The following GPR12 variants were observed in gnomAD, a reference collection of about 807,000 sequenced individuals.
GPR12 encodes G-protein coupled receptor 12.
GPR12 carries 7 observed loss-of-function variants against 18.9 expected under a neutral mutation model. That is an observed-to-expected ratio of 0.37 (90% CI 0.21 to 0.70). GPR12 has a LOEUF of 0.70. Ranked by LOEUF, GPR12 falls within the 30% of genes least tolerant of loss-of-function variation. The pLI is 0.54. For synonymous variants in GPR12, 201 were observed against 188.6 expected (o/e 1.07, Z -0.54); for missense variants, 327 against 427.7 (o/e 0.76, Z 2.08).
Position 26,757,031 on chromosome 13 carries a change from A to T in GPR12, c.*1792T>A, listed in dbSNP as rs1440047265. ...TGTTCAAAAGAAATGTTTTAAAGGC[A>T]TCAGTTTTATTAGATTGATCATACA... On this transcript the variant is annotated 3_prime_UTR_variant, in exon 2 of 2. Transcript: ENST00000405846. 4 of 152,218 alleles carry T rather than the reference A, an allele frequency of 2.6e-5. No individual in the cohort carries two copies. Among genetic ancestry groups the T allele is most frequent in the Non-Finnish European group, 4.4e-5 (3 of 68,046 alleles). The allele number at this position is 152,218 out of a possible 1,614,324, so 9.4% of individuals were successfully genotyped here.
Position 26,760,712 on chromosome 13 carries a change from G to C in GPR12, c.-149C>G, listed in dbSNP as rs1300407615. On this transcript the variant is annotated 5_prime_UTR_variant, in exon 1 of 2. Coordinates refer to ENST00000405846, the MANE Select transcript of GPR12 (RefSeq NM_005288.4). ...GCTCCGGAGCGGGCCGGGAGGGCGC[G>C]GGGCGCGCACTCCGCGGCAGGTGAG... 3.3e-5 allele frequency: 5 copies of C among 150,148 alleles called. No homozygotes were observed. Among genetic ancestry groups the C allele is most frequent in the Non-Finnish European group, 5.9e-5 (4 of 67,390 alleles). 9.3% of individuals were successfully genotyped at this position (150,148 alleles called of 1,614,324 possible). A position where few individuals can be genotyped will look rare whatever the true frequency, so the allele number is the denominator to read the frequency against.
rs749962036 is a variant in GPR12, at chr13:26,759,274, T to A, written c.554A>T (p.Glu185Val). The change falls in exon 2 of 2, where the codon GAG becomes GTG. Residue 185 changes from glutamate (E) to valine (V), a missense_variant. Glu to Val is a moderately radical substitution (Grantham distance 121). Coordinates refer to ENST00000405846, the MANE Select transcript of GPR12 (RefSeq NM_005288.4). ...PVMGWNCLRD[E>V]STCSVVRPLT... is the part of the protein sequence containing the mutation. ...CGGTCTGACCACGCTGCAGGTGGAC[T>A]CGTCTCGGAGGCAGTTCCAGCCCAT... 2.5e-6 allele frequency: 4 copies of A among 1,612,186 alleles called. No homozygotes were observed. The African/African-American group carries it at 5.4e-5, about 22-fold the overall frequency.
chr13:26,760,765 T>C lies in GPR12; in HGVS notation c.-202A>G, dbSNP rs1260573027. 6.9e-6 allele frequency: 1 copy of C among 145,518 alleles called. No individual in the cohort carries two copies. The highest frequency in any genetic ancestry group is 1.5e-5 in the Non-Finnish European group (1 of 65,658). 9.0% of individuals were successfully genotyped at this position (145,518 alleles called of 1,614,324 possible). On this transcript the variant is annotated 5_prime_UTR_variant, in exon 1 of 2. Coordinates refer to ENST00000405846, the MANE Select transcript of GPR12 (RefSeq NM_005288.4). Reference sequence around the variant, plus strand: ...GCGCGGCTGCAGGTGAGCAGCAGCCTCGGCTCGCGCGCCCAGCTTTCCCCG... The same window carrying C: ...GCGCGGCTGCAGGTGAGCAGCAGCCCCGGCTCGCGCGCCCAGCTTTCCCCG...
Position 26,755,439 on chromosome 13 carries a change from T to C in GPR12, c.*3384A>G, listed in dbSNP as rs1884357017. ...TAAAAAGCCGAAGAAGTCTCCATGATATTTTTATTGGCACTAAGTATCTCT... is the reference window on the plus strand; with the variant it reads ...TAAAAAGCCGAAGAAGTCTCCATGACATTTTTATTGGCACTAAGTATCTCT... On this transcript the variant is annotated 3_prime_UTR_variant, in exon 2 of 2. Transcript: ENST00000405846. 6.6e-6 allele frequency: 1 copy of C among 152,238 alleles called. No homozygotes were observed. Among genetic ancestry groups the C allele is most frequent in the South Asian group, 2.1e-4 (1 of 4,836 alleles). The allele number at this position is 152,238 out of a possible 1,614,324, so 9.4% of individuals were successfully genotyped here. A position where few individuals can be genotyped will look rare whatever the true frequency, so the allele number is the denominator to read the frequency against.
chr13:26,758,098 T>C lies in GPR12; in HGVS notation c.*725A>G, dbSNP rs915227654. 9.9e-5 allele frequency: 15 copies of C among 152,224 alleles called. No homozygotes were observed. Among genetic ancestry groups the C allele is most frequent in the Admixed American group, 7.2e-4 (11 of 15,286 alleles). 9.4% of individuals were successfully genotyped at this position (152,224 alleles called of 1,614,324 possible). On this transcript the variant is annotated 3_prime_UTR_variant, in exon 2 of 2. Coordinates refer to ENST00000405846, the MANE Select transcript of GPR12 (RefSeq NM_005288.4). ...TATTGAAAAATGACCCGTTGGAATC[T>C]AGATTGACATGGCAACATTTGAAAC...
At position 26,758,831 on chromosome 13, in the gene GPR12, C is replaced by T. The variant is rs1368851574; in HGVS notation, c.997G>A (p.Asp333Asn). Residue 333 changes from aspartate to asparagine, a missense_variant, in exon 2 of 2, where the codon GAT (aspartate) becomes AAT (asparagine). Physicochemically the swap from Asp to Asn is conservative, Grantham distance 23. Transcript: ENST00000405846. ...SLAQRARSPS[D>N]V ...TCCTGGGTGCAAGGGTGCTACACATCACTGGGCGAGCGCGCTCTCTGGGCG... is the reference window on the plus strand; with the variant it reads ...TCCTGGGTGCAAGGGTGCTACACATTACTGGGCGAGCGCGCTCTCTGGGCG... 2 of 1,605,670 alleles carry T rather than the reference C, an allele frequency of 1.2e-6. No homozygotes were observed. Among genetic ancestry groups the T allele is most frequent in the Middle Eastern group, 1.7e-4 (1 of 6,012 alleles).
In GPR12 at chr13:26,757,819, ACCATTAGTATATT is replaced by A. The variant is rs1884403577; in HGVS notation, c.*991_*1003del. 6.6e-6 allele frequency: 1 copy of A among 152,224 alleles called. No individual in the cohort carries two copies. The highest frequency in any genetic ancestry group is 1.5e-5 in the Non-Finnish European group (1 of 68,046). 9.4% of individuals were successfully genotyped at this position (152,224 alleles called of 1,614,324 possible). On this transcript the variant is annotated 3_prime_UTR_variant, in exon 2 of 2. Coordinates refer to ENST00000405846, the MANE Select transcript of GPR12 (RefSeq NM_005288.4). Reference sequence around the variant, plus strand: ...ATTCTAATTATCTCAATCAAGAATAACCATTAGTATATTCTCAGAGAGAGAGGAAAGGTGATTT... The same window carrying A: ...ATTCTAATTATCTCAATCAAGAATAACTCAGAGAGAGAGGAAAGGTGATTT...
At chr13:26,760,351 C>T (rs1204839351) in intron 1 of GPR12, 1 of 165,752 alleles carries the variant, frequency 6.0e-6, no homozygotes. Context: ...AACGCACCCC[C>T]GACCGGAACA....
chr13:26,759,415 C>A lies in GPR12; in HGVS notation c.413G>T (p.Arg138Leu). The change falls in exon 2 of 2, where the codon CGC (arginine) becomes CTC (leucine). Residue 138 changes from arginine (R) to leucine (L), a missense_variant. Transcript: ENST00000405846. ...CAGAGCGTAGTACAGTGAGAGGTAGCGGTCAACAGTGATAGCCAGCAAGCT... is the reference window on the plus strand; with the variant it reads ...CAGAGCGTAGTACAGTGAGAGGTAGAGGTCAACAGTGATAGCCAGCAAGCT... ...VCSLLAITVD[R>L]YLSLYYALTY... 1.2e-6 allele frequency: 2 copies of A among 1,613,924 alleles called. No homozygotes were observed. The highest frequency in any genetic ancestry group is 1.7e-6 in the Non-Finnish European group (2 of 1,180,002).
In GPR12 at chr13:26,759,494, T is replaced by G. The variant is rs1363283355; in HGVS notation, c.334A>C (p.Thr112Pro). 1.9e-6 allele frequency: 3 copies of G among 1,614,056 alleles called. No homozygotes were observed. Among genetic ancestry groups the G allele is most frequent in the Non-Finnish European group, 2.5e-6 (3 of 1,180,034 alleles). The change falls in exon 2 of 2, where the codon ACC becomes CCC. Residue 112 changes from threonine (T) to proline (P), a missense_variant. Coordinates refer to ENST00000405846, the MANE Select transcript of GPR12 (RefSeq NM_005288.4). ...ATGAGGCCGATCGTGACCAGCTTGG[T>G]GGCTTCTGACTGAAGCAGGTAGGCA... ...VFAYLLQSEA[T>P]KLVTIGLIVA...
In GPR12 at chr13:26,759,660, G is replaced by T. The variant is rs371513115; in HGVS notation, c.168C>A (p.Thr56=). 6.2e-7 allele frequency: 1 copy of T among 1,614,018 alleles called. No homozygotes were observed. Among genetic ancestry groups the T allele is most frequent in the Admixed American group, 1.7e-5 (1 of 60,020 alleles). The change falls in exon 2 of 2, where the codon ACC becomes ACA. Residue 56 remains threonine, a synonymous_variant. Transcript: ENST00000405846. ...PWDIVLCTSG[T]LISCENAIVV... The stretch of plus-strand genomic sequence containing the variant: ...CAATGGCATTTTCACAGGAGATGAG[G>T]GTTCCCGAGGTACACAAGACAATGT...
rs1884450145 is a variant in GPR12, at chr13:26,759,836, C to T, written c.-9G>A. 6.5e-7 allele frequency: 1 copy of T among 1,546,282 alleles called. No homozygotes were observed. The highest frequency in any genetic ancestry group is 1.4e-5 in the African/African-American group (1 of 72,242). On this transcript the variant is annotated 5_prime_UTR_variant, in exon 2 of 2. Transcript: ENST00000405846. ...TTCAGGTCTTCATTCATTTTAACCCCTGTCCTCTTCAACGAAAAGACAGGC... is the reference window on the plus strand; with the variant it reads ...TTCAGGTCTTCATTCATTTTAACCCTTGTCCTCTTCAACGAAAAGACAGGC...
rs748144334 is a variant in GPR12 at position 26,759,218 on chromosome 13, C to G, written c.610G>C (p.Val204Leu). 6.2e-7 allele frequency: 1 copy of G among 1,612,726 alleles called. No homozygotes were observed. The highest frequency in any genetic ancestry group is 1.1e-5 in the South Asian group (1 of 90,974). ...AGCGCAAACATGAAGAGGAAGGACA[C>G]CGAGAGGATGGCCGCGTTGTTCTTG... ...LTKNNAAILS[V>L]SFLFMFALML... Residue 204 changes from valine to leucine, a missense_variant, in exon 2 of 2, where the codon GTG becomes CTG. Coordinates refer to ENST00000405846, the MANE Select transcript of GPR12 (RefSeq NM_005288.4).
At position 26,757,938 on chromosome 13, in the gene GPR12, T is replaced by C. The variant is rs1436914872; in HGVS notation, c.*885A>G. On this transcript the variant is annotated 3_prime_UTR_variant, in exon 2 of 2. Transcript: ENST00000405846. The stretch of plus-strand genomic sequence containing the variant: ...TTAATCTACTCTCAATTGCTAATAT[T>C]TTTTCCTTTTGTTTTCTGAAAACAA... 6.6e-6 allele frequency: 1 copy of C among 152,254 alleles called. No individual in the cohort carries two copies. The highest frequency in any genetic ancestry group is 6.5e-5 in the Admixed American group (1 of 15,288). The allele number at this position is 152,254 out of a possible 1,614,324, so 9.4% of individuals were successfully genotyped here. A position where few individuals can be genotyped will look rare whatever the true frequency, so the allele number is the denominator to read the frequency against.
rs560548992 is a variant in GPR12, at chr13:26,756,649, T to G, written c.*2174A>C. 7.9e-5 allele frequency: 12 copies of G among 152,340 alleles called. No homozygotes were observed. Among genetic ancestry groups the G allele is most frequent in the African/African-American group, 2.9e-4 (12 of 41,586 alleles). The allele number at this position is 152,340 out of a possible 1,614,324, so 9.4% of individuals were successfully genotyped here. A position where few individuals can be genotyped will look rare whatever the true frequency, so the allele number is the denominator to read the frequency against. ...CTGGCTTCAAATTCTGACTCTATCC[T>G]TGTGCTTTGTGGCCTCGGGCACATT... On this transcript the variant is annotated 3_prime_UTR_variant, in exon 2 of 2. Transcript: ENST00000405846.
rs1314475329 is a variant in GPR12 at position 26,756,605 on chromosome 13, G to T, written c.*2218C>A. 1 of 152,222 alleles carries T rather than the reference G, an allele frequency of 6.6e-6. No homozygotes were observed. Among genetic ancestry groups the T allele is most frequent in the Non-Finnish European group, 1.5e-5 (1 of 68,046 alleles). 9.4% of individuals were successfully genotyped at this position (152,222 alleles called of 1,614,324 possible). A position where few individuals can be genotyped will look rare whatever the true frequency, so the allele number is the denominator to read the frequency against. ...CTTGCAAGGTACAGGGAAGGAGCAA[G>T]ACTTAGACTTTGGAAAAGCTGGCTT... On this transcript the variant is annotated 3_prime_UTR_variant, in exon 2 of 2. Coordinates refer to ENST00000405846, the MANE Select transcript of GPR12 (RefSeq NM_005288.4).
rs1884442342 is a variant in GPR12, at chr13:26,759,540, T to A, written c.288A>T (p.Gly96=). 3 of 1,613,800 alleles carry A rather than the reference T, an allele frequency of 1.9e-6. No homozygotes were observed. Among genetic ancestry groups the A allele is most frequent in the Non-Finnish European group, 2.5e-6 (3 of 1,179,988 alleles). Residue 96 remains glycine (G), a synonymous_variant, in exon 2 of 2, where the codon GGA becomes GGT. Coordinates refer to ENST00000405846, the MANE Select transcript of GPR12 (RefSeq NM_005288.4). ...AGGCAAAAACAAAATTGGTGATGAGTCCAATGCCGGCCAGCAGGTCTGCAA... is the reference window on the plus strand; with the variant it reads ...AGGCAAAAACAAAATTGGTGATGAGACCAATGCCGGCCAGCAGGTCTGCAA... ...LALADLLAGI[G]LITNFVFAYL...
Position 26,759,195 on chromosome 13 carries a change from C to A in GPR12, c.633G>T (p.Ala211=). 1 of 1,612,862 alleles carries A rather than the reference C, an allele frequency of 6.2e-7. No homozygotes were observed. The highest frequency in any genetic ancestry group is 8.5e-7 in the Non-Finnish European group (1 of 1,179,904). ...ILSVSFLFMF[A]LMLQLYIQIC... is the part of the protein sequence containing the mutation. The stretch of plus-strand genomic sequence containing the variant: ...TCTGGATGTAGAGCTGAAGCATGAG[C>A]GCAAACATGAAGAGGAAGGACACCG... Residue 211 remains alanine (A), a synonymous_variant, in exon 2 of 2, where the codon GCG becomes GCT. Coordinates refer to ENST00000405846, the MANE Select transcript of GPR12 (RefSeq NM_005288.4).
In GPR12 at chr13:26,758,620, T is replaced by C; in HGVS notation, c.*203A>G. ...ATGTTGAGTGGAGAGCTCAACAATT[T>C]TTTTTAATGGTGAAAACACTGGTAA... On this transcript the variant is annotated 3_prime_UTR_variant, in exon 2 of 2. Transcript: ENST00000405846. 1 of 801,370 alleles carries C rather than the reference T, an allele frequency of 1.2e-6. No homozygotes were observed. The highest frequency in any genetic ancestry group is 1.8e-6 in the Non-Finnish European group (1 of 541,218). The allele number at this position is 801,370 out of a possible 1,614,324, so 49.6% of individuals were successfully genotyped here.
Sources: gnomAD v4.1 joint callset for allele counts on GRCh38, gnomAD v4.1.1 for gene constraint, MANE v1.5 for transcripts, NCBI Gene and HGNC (gene_info 2026-07-23, HGNC 2026-07-21) for gene names.